Variants in SULF2 observed in about 807,000 individuals in gnomAD.
SULF2 encodes extracellular sulfatase Sulf-2.
In SULF2, 52 loss-of-function variants were observed where a neutral mutation model predicts 107.7. The ratio of observed to expected loss-of-function variants is 0.48; its 90% CI spans 0.39 to 0.61. The LOEUF (loss-of-function observed/expected upper bound fraction) is 0.61. SULF2 is among the 20% of genes least tolerant of loss of function. SULF2 has a pLI of 0.00. For synonymous variants in SULF2, 460 were observed against 464.3 expected, an observed-to-expected ratio of 0.99 and a Z score of 0.12; for missense variants, 993 against 1,177.3, an observed-to-expected ratio of 0.84 and a Z score of 2.29.
chr20:47,726,037 A>G (rs1389651257), intron 3 of SULF2, among the ~76,000 whole-genome samples: 2 of 152,124 alleles, frequency 1.3e-5, no homozygotes, highest in Non-Finnish European at 2.9e-5. Flanking sequence ...CTGGGAGCAT[A>G]AGGGGAAGTG....
chr20:47,745,402 AAAAAAAAAATATATATAT>A (rs1173423916), intron 2 of SULF2, among the ~76,000 whole-genome samples: 97 of 26,574 alleles, frequency 3.7e-3, no homozygotes, highest in South Asian at 5.9e-3. Flanking sequence ...AAAAAAAAAA[AAAAAAAAAATATATATAT>A]ATATATATAT....
chr20:47,712,654 T>G (rs1289933826), intron 3 of SULF2, among the ~76,000 whole-genome samples: 1 of 152,142 alleles, frequency 6.6e-6, no homozygotes, highest in Non-Finnish European at 1.5e-5. Flanking sequence ...TACACAGCTG[T>G]GCAAGGTGGG....
At chr20:47,724,786 T>A (rs2089393012) in intron 3 of SULF2, among the ~76,000 whole-genome samples, 1 of 152,214 alleles carries the variant, frequency 6.6e-6, no homozygotes, top group South Asian at 2.1e-4. Flanking sequence ...TATTTAATTA[T>A]CGCCTTGGAG....
At chr20:47,664,083 C>T in intron 15 of SULF2, 47 bp downstream of exon 15, 1 of 1,579,074 alleles carries the variant, frequency 6.3e-7, no homozygotes, top group Non-Finnish European at 8.7e-7. Context: ...GCCACCTCCT[C>T]ATGCAGGCCT....
At chr20:47,713,838 G>A (rs140385954) in intron 3 of SULF2, among the ~76,000 whole-genome samples, 155 of 152,274 alleles carry the variant, frequency 1.0e-3, no homozygotes, top group Middle Eastern at 3.4e-3. Context: ...CGTTTTCAGG[G>A]AGGGGGATGA....
intron 4 of SULF2, among the ~76,000 whole-genome samples, chr20:47,692,207 A>AAGAGG (rs1416988730): frequency 1.3e-5 from 2 of 152,210 alleles, no homozygotes; most frequent in East Asian, 3.8e-4. Flanking sequence ...AAAAAAGGTG[A>AAGAGG]AGAGGTGTCT....
chr20:47,717,171 A>G (rs934737835), intron 3 of SULF2, among the ~76,000 whole-genome samples: 6 of 152,218 alleles, frequency 3.9e-5, no homozygotes, highest in Non-Finnish European at 1.5e-5. Flanking sequence ...TCATGAAAAT[A>G]GTTTTGAGTC....
chr20:47,706,342 G>C (rs1003057054), intron 3 of SULF2, among the ~76,000 whole-genome samples: 1 of 152,032 alleles, frequency 6.6e-6, no homozygotes, highest in Non-Finnish European at 1.5e-5. Context: ...TACCTCCTCC[G>C]AGGGGGACAA....
chr20:47,774,519 G>A (rs532157108), intron 1 of SULF2, among the ~76,000 whole-genome samples: 7 of 152,182 alleles, frequency 4.6e-5, no homozygotes, highest in Admixed American at 2.6e-4. Context: ...ACTTTGCCCC[G>A]TAAAGTGGAG....
intron 1 of SULF2, among the ~76,000 whole-genome samples, chr20:47,762,931 C>G (rs1034838619): frequency 2.0e-5 from 3 of 152,238 alleles, no homozygotes; most frequent in Non-Finnish European, 4.4e-5. Context: ...ATCAGTGGGT[C>G]GATTTCTGAT....
chr20:47,658,539 C>T, intron 20 of SULF2, 147 bp from the exon 21 acceptor site: 2 of 834,784 alleles, frequency 2.4e-6, no homozygotes, highest in South Asian at 1.5e-5. Context: ...TTGCCACCAC[C>T]TAGTCACCTC....
At chr20:47,769,365 T>A (rs1404723174) in intron 1 of SULF2, among the ~76,000 whole-genome samples, 1 of 151,252 alleles carries the variant, frequency 6.6e-6, no homozygotes, top group Non-Finnish European at 1.5e-5. Context: ...TTGTATTTTT[T>A]TTTTTTTTTT....
chr20:47,694,660 C>T lies in SULF2; in HGVS notation c.568-4365G>A, dbSNP rs559751054. ...AGCCTCAGGTGATTCCTGCAGGCATCCACAAGCTTCACCGACTGAGTAGCT... is the reference window on the plus strand; with the variant it reads ...AGCCTCAGGTGATTCCTGCAGGCATTCACAAGCTTCACCGACTGAGTAGCT... On this transcript the variant is annotated intron_variant, in intron 4 of 20. Transcript: ENST00000688720. This position sits in a 1 kb window ranked among gnomAD's most constrained non-coding sequence, Gnocchi z 4.4. 2.6e-5 allele frequency among the ~76,000 whole-genome samples: 4 copies of T among 152,314 alleles called. No individual in the cohort carries two copies. The East Asian group carries it at 7.7e-4, about 29-fold the overall frequency.
intron 2 of SULF2, among the ~76,000 whole-genome samples, chr20:47,739,308 C>A (rs2089821438): frequency 6.6e-6 from 1 of 152,112 alleles, no homozygotes; most frequent in Non-Finnish European, 1.5e-5. Flanking sequence ...AGCATCAGAC[C>A]CACTGCAGCC....
chr20:47,760,003 G>C (rs2146921682), intron 1 of SULF2, among the ~76,000 whole-genome samples: 1 of 152,364 alleles, frequency 6.6e-6, no homozygotes, highest in South Asian at 2.1e-4. Flanking sequence ...AAGGAACGGA[G>C]GTTCTGCTAA....
At chr20:47,701,718 C>T (rs547481317) in intron 4 of SULF2, among the ~76,000 whole-genome samples, 19 of 152,296 alleles carry the variant, frequency 1.2e-4, no homozygotes, top group South Asian at 1.2e-3. Context: ...GTGGTATAAG[C>T]GCATGATGGA....
At position 47,757,384 on chromosome 20, in the gene SULF2, G is replaced by A; in HGVS notation, c.-21C>T. ...CCCATCTTCTTTTTTTGCTGATCTG[G>A]TGCTTCTTTTGGGATGCGGGAGTCT... On this transcript the variant is annotated 5_prime_UTR_variant, in exon 2 of 21. Coordinates refer to ENST00000688720, the MANE Select transcript of SULF2 (RefSeq NM_001387048.1). 1 of 1,561,554 alleles carries A rather than the reference G, an allele frequency of 6.4e-7. No individual in the cohort carries two copies. Among genetic ancestry groups the A allele is most frequent in the Non-Finnish European group, 8.7e-7 (1 of 1,148,494 alleles).
chr20:47,770,526 G>A (rs111944026), intron 1 of SULF2, among the ~76,000 whole-genome samples: 1,604 of 152,330 alleles, frequency 0.011, 37 homozygotes, highest in African/African-American at 0.037. Context: ...ATAACTGCAC[G>A]GTGGGAAGAC....
At chr20:47,676,388 T>C in intron 10 of SULF2, 106 bp downstream of exon 10, 4 of 1,306,094 alleles carry the variant, frequency 3.1e-6, no homozygotes, top group East Asian at 2.4e-5. Context: ...GGACTACCCG[T>C]TGGGAGGCCC....
Sources: allele counts gnomAD v4.1 joint callset (sites outside exome capture counted in the v4.1 genomes callset), GRCh38; gene constraint gnomAD v4.1.1; non-coding constraint Gnocchi (gnomAD v3.1); transcripts MANE v1.5; gene names NCBI Gene and HGNC (gene_info 2026-07-23, HGNC 2026-07-21).